Variants in FMN1 observed in about 807,000 individuals in gnomAD.
The protein encoded by FMN1 is formin 1.
Under a neutral mutation model 132.4 loss-of-function variants are expected in FMN1, and 110 were observed. The observed-to-expected ratio is 0.83, with a 90% CI of 0.71 to 0.97. The LOEUF (loss-of-function observed/expected upper bound fraction) is 0.97. Ranked by LOEUF, FMN1 falls within the 50% of genes least tolerant of loss-of-function variation. The pLI, the probability that FMN1 is intolerant of heterozygous loss-of-function variation, is 0.00. For synonymous variants in FMN1, 722 were observed against 651.7 expected (o/e 1.11, Z -1.64); for missense variants, 1,792 against 1,705.3 (o/e 1.05, Z -0.90).
chr15:32,932,165 G>A (rs756476062), intron 9 of FMN1, among the ~76,000 whole-genome samples: 3 of 152,142 alleles, frequency 2.0e-5, no homozygotes, highest in African/African-American at 4.8e-5. Context: ...TTGGGAGGCC[G>A]AGGTAGGCGG....
At chr15:33,098,294 T>TGG (rs2039162237) in intron 4 of FMN1, among the ~76,000 whole-genome samples, 1 of 152,192 alleles carries the variant, frequency 6.6e-6, no homozygotes, top group Non-Finnish European at 1.5e-5. Context: ...TCCTCCGGAC[T>TGG]GGGGGAGATG....
chr15:33,179,350 A>G (rs1048764654), intron 3 of FMN1, among the ~76,000 whole-genome samples: 10 of 152,230 alleles, frequency 6.6e-5, no homozygotes, highest in African/African-American at 2.4e-4. Flanking sequence ...TCCCTGATAG[A>G]AAAATGAAAG....
intron 4 of FMN1, among the ~76,000 whole-genome samples, chr15:33,093,346 C>CATTATGTT (rs2038969074): frequency 6.6e-6 from 1 of 152,150 alleles, no homozygotes; most frequent in African/African-American, 2.4e-5. Context: ...ACATATCTTC[C>CATTATGTT]ATTATGTTAT....
intron 7 of FMN1, among the ~76,000 whole-genome samples, chr15:32,985,527 A>G (rs1368065125): frequency 6.6e-6 from 1 of 152,156 alleles, no homozygotes; most frequent in Non-Finnish European, 1.5e-5. Flanking sequence ...GGGTTCTGTT[A>G]GCAAAAGAAA....
intron 15 of FMN1, among the ~76,000 whole-genome samples, chr15:32,890,990 A>C (rs1162163231): frequency 6.6e-6 from 1 of 152,184 alleles, no homozygotes; most frequent in African/African-American, 2.4e-5. Flanking sequence ...TTTGTTGAAA[A>C]GGGTGTCCTT....
At chr15:33,001,055 G>A (rs923854322) in intron 7 of FMN1, among the ~76,000 whole-genome samples, 1 of 152,196 alleles carries the variant, frequency 6.6e-6, no homozygotes, top group Admixed American at 6.5e-5. Flanking sequence ...GGCCGAGACG[G>A]GTGGATCACT....
chr15:32,776,687 CTTTTTT>C (rs34593790), intron 20 of FMN1, 142 bp downstream of exon 20: 4 of 453,972 alleles, frequency 8.8e-6, no homozygotes, highest in East Asian at 3.5e-5. Context: ...CCCACACATA[CTTTTTT>C]TTTTTTTTTT....
At chr15:32,967,358 C>G (rs1181026429) in intron 8 of FMN1, among the ~76,000 whole-genome samples, 1 of 152,186 alleles carries the variant, frequency 6.6e-6, no homozygotes, top group Non-Finnish European at 1.5e-5. Context: ...AGGTGTGGAA[C>G]AGCTCCCCGT....
At chr15:32,776,348 G>A (rs955301421) in intron 20 of FMN1, among the ~76,000 whole-genome samples, 4 of 152,190 alleles carry the variant, frequency 2.6e-5, no homozygotes, top group African/African-American at 9.7e-5. Context: ...TTCCAGCATA[G>A]GGAGAGATGT....
chr15:33,044,313 C>A lies in FMN1; in HGVS notation c.2161+20644G>T, dbSNP rs533648300. Among the ~76,000 whole-genome samples, 190 of 152,336 alleles carry A rather than the reference C, an allele frequency of 1.2e-3. 1 individual carries two copies. Among genetic ancestry groups the A allele is most frequent in the African/African-American group, 4.4e-3 (184 of 41,576 alleles). ...GGGGTAGGTCCCTAGTGAGGCCCCA[C>A]CTTCAAGCTGGGGAAGGTCTGAAGC... On this transcript the variant is annotated intron_variant, in intron 6 of 20. Coordinates refer to ENST00000616417, the MANE Select transcript of FMN1 (RefSeq NM_001277313.2).
At chr15:33,012,222 T>G (rs894820312) in intron 6 of FMN1, 1 of 662,828 alleles carries the variant, frequency 1.5e-6, no homozygotes, top group Non-Finnish European at 2.8e-6. Context: ...GGAATCATTT[T>G]GAGCAATGGG....
intron 3 of FMN1, among the ~76,000 whole-genome samples, chr15:33,161,426 C>A (rs1264356225): frequency 6.6e-6 from 1 of 152,140 alleles, no homozygotes; most frequent in Non-Finnish European, 1.5e-5. Flanking sequence ...CTAATGAAGA[C>A]CACGCTCCTC....
chr15:32,874,824 T>G (rs35019594), intron 16 of FMN1, among the ~76,000 whole-genome samples: 82,694 of 152,012 alleles, frequency 0.54, 22,827 homozygotes, highest in African/African-American at 0.61. Context: ...TCAAACAAGA[T>G]CTGTCTCGTA....
chr15:33,028,464 C>T (rs914007055), intron 6 of FMN1, among the ~76,000 whole-genome samples: 1 of 151,564 alleles, frequency 6.6e-6, no homozygotes, highest in African/African-American at 2.4e-5. Flanking sequence ...ATTCTAGCAA[C>T]TGGAAATAAT....
intron 8 of FMN1, among the ~76,000 whole-genome samples, chr15:32,967,078 T>C (rs553778289): frequency 6.6e-6 from 1 of 152,260 alleles, no homozygotes; most frequent in African/African-American, 2.4e-5. Context: ...TGATGTCCTA[T>C]TCATCTACTT....
chr15:32,922,317 G>C (rs1305202392), intron 10 of FMN1, among the ~76,000 whole-genome samples: 1 of 152,206 alleles, frequency 6.6e-6, no homozygotes, highest in Non-Finnish European at 1.5e-5. Context: ...TTAAGATTAA[G>C]TCTGTATTTT....
At chr15:32,891,461 C>G (rs1400555467) in intron 15 of FMN1, among the ~76,000 whole-genome samples, 4 of 152,206 alleles carry the variant, frequency 2.6e-5, no homozygotes, top group African/African-American at 9.6e-5. Flanking sequence ...CCAGGATGGT[C>G]TCAATCGCCT....
chr15:33,055,086 C>A (rs868289773), intron 6 of FMN1, among the ~76,000 whole-genome samples: 1 of 152,110 alleles, frequency 6.6e-6, no homozygotes, highest in South Asian at 2.1e-4. Flanking sequence ...CCTCATTATA[C>A]CCCTGCAGCA....
intron 9 of FMN1, among the ~76,000 whole-genome samples, chr15:32,940,847 C>T (rs575748084): frequency 1.3e-5 from 2 of 152,216 alleles, no homozygotes; most frequent in East Asian, 1.9e-4. Context: ...AAGGTTCTTC[C>T]GGGCATTAAG....
Sources: gnomAD v4.1 joint callset for allele counts (sites outside exome capture counted in the v4.1 genomes callset) on GRCh38, gnomAD v4.1.1 for gene constraint, MANE v1.5 for transcripts, NCBI Gene and HGNC (gene_info 2026-07-23, HGNC 2026-07-21) for gene names.